CDH4: variants seen among roughly 807,000 people sequenced by gnomAD.
The protein encoded by CDH4 is cadherin 4, also known as cadherin-4.
CDH4 carries 33 observed loss-of-function variants against 86.0 expected under a neutral mutation model. The ratio of observed to expected loss-of-function variants is 0.38; its 90% CI spans 0.29 to 0.51. CDH4 has a LOEUF of 0.51. Among genes scored for constraint, CDH4 ranks in the 20% least tolerant of loss-of-function variants. CDH4 has a pLI of 0.86. For synonymous variants in CDH4, 555 were observed against 549.4 expected, an observed-to-expected ratio of 1.01 and a Z score of -0.14; for missense variants, 1,114 against 1,307.4, an observed-to-expected ratio of 0.85 and a Z score of 2.28.
At chr20:61,683,625 C>T (rs2087544159) in intron 2 of CDH4, among the ~76,000 whole-genome samples, 1 of 152,194 alleles carries the variant, frequency 6.6e-6, no homozygotes, top group South Asian at 2.1e-4. Flanking sequence ...TTGTCAGTCA[C>T]CCACAGAGTG....
intron 2 of CDH4, among the ~76,000 whole-genome samples, chr20:61,265,155 G>T (rs1279976442): frequency 2.0e-5 from 3 of 146,566 alleles, no homozygotes; most frequent in African/African-American, 7.7e-5. Context: ...ATAACTCAGT[G>T]GTTCCTTCAT....
In CDH4 at chr20:61,810,447, G is replaced by A. The variant is rs1177924419; in HGVS notation, c.577-34221G>A. Among the ~76,000 whole-genome samples the A allele has an allele frequency of 6.6e-6, 1 of 152,108 alleles. No homozygotes were observed. The highest frequency in any genetic ancestry group is 2.4e-5 in the African/African-American group (1 of 41,410). ...GTTCTCAGACCCAAGTTCTGACCCG[G>A]GTTCTCAGACCCAAGTTCTGACCCA... On this transcript the variant is annotated intron_variant, in intron 4 of 15. Coordinates refer to ENST00000614565, the MANE Select transcript of CDH4 (RefSeq NM_001794.5). This position sits in a 1 kb window ranked among gnomAD's most constrained non-coding sequence, Gnocchi z 4.3.
intron 2 of CDH4, among the ~76,000 whole-genome samples, chr20:61,651,597 G>A (rs1407042661): frequency 1.3e-5 from 2 of 152,186 alleles, no homozygotes; most frequent in East Asian, 3.9e-4. Context: ...CCATTTAGTT[G>A]CCCTGTTACC....
At chr20:61,700,758 G>A (rs1403941620) in intron 2 of CDH4, among the ~76,000 whole-genome samples, 1 of 152,312 alleles carries the variant, frequency 6.6e-6, no homozygotes, top group African/African-American at 2.4e-5. Flanking sequence ...TCTTCTTCAT[G>A]TCTTCTTCAT....
chr20:61,718,823 C>G (rs747202299), intron 2 of CDH4: 1 of 471,220 alleles, frequency 2.1e-6, no homozygotes, highest in East Asian at 7.0e-5. Context: ...CCATCCCGGG[C>G]TCCCAGCGAC....
At chr20:61,905,066 G>A (rs1016973961) in intron 8 of CDH4, among the ~76,000 whole-genome samples, 2 of 152,220 alleles carry the variant, frequency 1.3e-5, no homozygotes, top group African/African-American at 4.8e-5. Flanking sequence ...CTCGGGATGG[G>A]TGCACAGTTG....
intron 2 of CDH4, among the ~76,000 whole-genome samples, chr20:61,616,261 G>A (rs560010507): frequency 7.4e-4 from 112 of 152,358 alleles, no homozygotes; most frequent in African/African-American, 1.8e-3. Flanking sequence ...ATGCTGCCTC[G>A]CTGCCTTCCC....
At chr20:61,764,080 G>C (rs2088670522) in intron 3 of CDH4, among the ~76,000 whole-genome samples, 1 of 152,228 alleles carries the variant, frequency 6.6e-6, no homozygotes. Context: ...GCCACAGCCA[G>C]TTACAGCCTC....
intron 2 of CDH4, among the ~76,000 whole-genome samples, chr20:61,561,823 AC>A (rs1299594734): frequency 2.6e-5 from 4 of 152,226 alleles, no homozygotes; most frequent in Non-Finnish European, 2.9e-5. Flanking sequence ...GAGAAAAACA[AC>A]CCACAAAGGT....
chr20:61,324,334 G>T (rs1314734134), intron 2 of CDH4, among the ~76,000 whole-genome samples: 4 of 149,978 alleles, frequency 2.7e-5, no homozygotes, highest in Non-Finnish European at 4.4e-5. Flanking sequence ...TTCCCAAACT[G>T]GGGGGGCTTA....
chr20:61,741,815 G>T (rs563666669), intron 2 of CDH4, among the ~76,000 whole-genome samples: 1 of 152,230 alleles, frequency 6.6e-6, no homozygotes, highest in East Asian at 1.9e-4. Context: ...TGAGATGACA[G>T]GCAGGAGCCA....
At chr20:61,817,556 G>C (rs545282874) in intron 4 of CDH4, among the ~76,000 whole-genome samples, 2 of 151,994 alleles carry the variant, frequency 1.3e-5, no homozygotes, top group South Asian at 4.2e-4. Flanking sequence ...CTGGAGTGCA[G>C]TGGGGTATGC....
chr20:61,607,887 G>C (rs1443567373), intron 2 of CDH4, among the ~76,000 whole-genome samples: 1 of 152,196 alleles, frequency 6.6e-6, no homozygotes, highest in Non-Finnish European at 1.5e-5. Context: ...ACCTGAGCCT[G>C]CCAGGCTTTG....
chr20:61,914,798 T>C (rs576640718), intron 9 of CDH4, among the ~76,000 whole-genome samples: 29 of 152,332 alleles, frequency 1.9e-4, no homozygotes, highest in Non-Finnish European at 3.4e-4. Context: ...GGGTGCATTT[T>C]ACCTTTTCAC....
intron 2 of CDH4, among the ~76,000 whole-genome samples, chr20:61,296,283 GC>G (rs2084353407): frequency 7.9e-6 from 1 of 127,262 alleles, no homozygotes; most frequent in Non-Finnish European, 1.7e-5. Flanking sequence ...GTGCGTGGGT[GC>G]GTGTGTGTGT....
intron 2 of CDH4, among the ~76,000 whole-genome samples, chr20:61,343,634 G>A (rs911090220): frequency 4.6e-5 from 7 of 152,204 alleles, no homozygotes; most frequent in African/African-American, 1.7e-4. Context: ...AATGACCCCA[G>A]GGTCTCAGTG....
In CDH4 at chr20:61,653,641, G is replaced by A. The variant is rs570068301; in HGVS notation, c.170-89922G>A. Among the ~76,000 whole-genome samples, 16 of 100,488 alleles carry A rather than the reference G, an allele frequency of 1.6e-4. 2 individuals are homozygous for A. Among genetic ancestry groups the A allele is most frequent in the Admixed American group, 2.9e-4 (3 of 10,394 alleles). The allele number at this position is 100,488 out of a possible 152,430, so 65.9% of individuals were successfully genotyped here. On this transcript the variant is annotated intron_variant, in intron 2 of 15. Transcript: ENST00000614565. ...TCACTTCCCAGACGGGGTGGCTGCCGGGCTGAGGGGCTCCTCACTTCTCAG... is the reference window on the plus strand; with the variant it reads ...TCACTTCCCAGACGGGGTGGCTGCCAGGCTGAGGGGCTCCTCACTTCTCAG...
rs973754106 is a variant in CDH4, at chr20:61,320,875, C to T, written c.169+65938C>T. ...GCTGGAGGGGTGGGCAGGGCTGTGGCGTGAAGACAGTATGTGGGCAGGGCG... is the reference window on the plus strand; with the variant it reads ...GCTGGAGGGGTGGGCAGGGCTGTGGTGTGAAGACAGTATGTGGGCAGGGCG... On this transcript the variant is annotated intron_variant, in intron 2 of 15. Coordinates refer to ENST00000614565, the MANE Select transcript of CDH4 (RefSeq NM_001794.5). Among the ~76,000 whole-genome samples the T allele has an allele frequency of 4.6e-5, 7 of 151,904 alleles. No homozygotes were observed. The South Asian group carries it at 8.3e-4, about 18-fold the overall frequency.
intron 8 of CDH4, among the ~76,000 whole-genome samples, chr20:61,897,915 A>T (rs1457371253): frequency 1.3e-5 from 2 of 152,192 alleles, no homozygotes; most frequent in Non-Finnish European, 2.9e-5. Context: ...AGTCCGGGAG[A>T]GGATCTGCAG....
Sources: gnomAD v4.1 joint callset for allele counts (sites outside exome capture counted in the v4.1 genomes callset) on GRCh38, gnomAD v4.1.1 for gene constraint, Gnocchi (gnomAD v3.1) non-coding constraint, MANE v1.5 for transcripts, NCBI Gene and HGNC (gene_info 2026-07-23, HGNC 2026-07-21) for gene names.